TBC1D32: variants seen among roughly 807,000 people sequenced by gnomAD.
The protein encoded by TBC1D32 is protein broad-minded.
TBC1D32 carries 151 observed loss-of-function variants against 170.3 expected under a neutral mutation model. The ratio of observed to expected loss-of-function variants is 0.89; its 90% CI spans 0.78 to 1.01. The LOEUF is 1.01. TBC1D32 is among the 50% of genes least tolerant of loss of function. TBC1D32 has a pLI of 0.00. For synonymous variants in TBC1D32, 498 were observed against 488.0 expected (o/e 1.02, Z -0.27); for missense variants, 1,464 against 1,457.1 (o/e 1.00, Z -0.08).
At chr6:121,160,226 C>A (rs1355088362) in intron 23 of TBC1D32, 123 bp from the exon 24 acceptor site, 3 of 605,198 alleles carry the variant, frequency 5.0e-6, no homozygotes, top group East Asian at 5.5e-5. Context: ...GCAGTTGTTG[C>A]CCAGTTAACC....
intron 29 of TBC1D32, among the ~76,000 whole-genome samples, chr6:121,106,956 T>G (rs775071739): frequency 6.6e-6 from 1 of 151,868 alleles, no homozygotes; most frequent in Non-Finnish European, 1.5e-5. Flanking sequence ...CATATACCCA[T>G]AATAATTGTT....
At chr6:121,093,662 G>C (rs574357842) in intron 30 of TBC1D32, among the ~76,000 whole-genome samples, 39 of 152,202 alleles carry the variant, frequency 2.6e-4, no homozygotes, top group African/African-American at 9.4e-4. Flanking sequence ...ATCTGCAACA[G>C]TTCATTATTA....
At chr6:121,209,205 T>A (rs142990576) in intron 21 of TBC1D32, among the ~76,000 whole-genome samples, 113 of 151,898 alleles carry the variant, frequency 7.4e-4, no homozygotes, top group African/African-American at 2.6e-3. Flanking sequence ...TAATACTGTA[T>A]AAATTTGATA....
intron 14 of TBC1D32, among the ~76,000 whole-genome samples, chr6:121,279,970 T>C (rs903081434): frequency 6.6e-6 from 1 of 151,914 alleles, no homozygotes; most frequent in African/African-American, 2.4e-5. Context: ...TTATCTATAA[T>C]ACATTTGAAA....
intron 17 of TBC1D32, among the ~76,000 whole-genome samples, chr6:121,245,832 T>C (rs1797523880): frequency 6.6e-6 from 1 of 151,872 alleles, no homozygotes; most frequent in Admixed American, 6.6e-5. Flanking sequence ...GAGGTGTGTG[T>C]CTGGTCTGAA....
chr6:121,160,907 G>T, intron 23 of TBC1D32, 41 bp downstream of exon 23: 1 of 1,519,598 alleles, frequency 6.6e-7, no homozygotes, highest in Non-Finnish European at 9.1e-7. Context: ...TTCAAAATAT[G>T]TCAGAAAAAC....
chr6:121,269,676 C>T (rs1256814104), intron 15 of TBC1D32, among the ~76,000 whole-genome samples: 6 of 152,094 alleles, frequency 3.9e-5, no homozygotes, highest in Admixed American at 2.0e-4. Flanking sequence ...GACTTTAACA[C>T]CCCACTGTCA....
Position 121,256,245 on chromosome 6 carries a change from G to GT in TBC1D32, c.1773dup (p.Leu592ThrfsTer4). 6.2e-7 allele frequency: 1 copy of GT among 1,613,512 alleles called. No individual in the cohort carries two copies. Among genetic ancestry groups the GT allele is most frequent in the Non-Finnish European group, 8.5e-7 (1 of 1,179,834 alleles). On this transcript the variant is annotated frameshift_variant, in exon 16 of 32. Transcript: ENST00000398212. LOFTEE classifies it high-confidence loss of function. ...AATATAGAAATATCTTCATCGAGAA[G>GT]TTTTTTCGAAAACTGGGCAATTATA...
chr6:121,223,840 CT>C (rs886688505), intron 20 of TBC1D32, among the ~76,000 whole-genome samples: 1 of 42,890 alleles, frequency 2.3e-5, no homozygotes, highest in African/African-American at 4.1e-5. Context: ...AAAGCCATGC[CT>C]TTTCCTATCA....
At chr6:121,149,857 ATTT>A (rs1174688465) in intron 24 of TBC1D32, among the ~76,000 whole-genome samples, 2 of 152,144 alleles carry the variant, frequency 1.3e-5, no homozygotes, top group African/African-American at 4.8e-5. Context: ...CAGTATGGCC[ATTT>A]TCATGATATT....
Position 121,305,653 on chromosome 6 carries a change from G to A in TBC1D32, c.691-820C>T, listed in dbSNP as rs1284625939. On this transcript the variant is annotated intron_variant, in intron 5 of 31. Transcript: ENST00000398212. Reference sequence around the variant, plus strand: ...CCCAAGAAATTCCTACTGAACAAAGGATATTAAATACTTTGGGAAGTCTAT... The same window carrying A: ...CCCAAGAAATTCCTACTGAACAAAGAATATTAAATACTTTGGGAAGTCTAT... 3.3e-5 allele frequency among the ~76,000 whole-genome samples: 5 copies of A among 152,090 alleles called. No individual in the cohort carries two copies. The East Asian group carries it at 9.7e-4, about 29-fold the overall frequency.
chr6:121,168,478 C>T (rs1307065433), intron 22 of TBC1D32, among the ~76,000 whole-genome samples: 20 of 67,740 alleles, frequency 3.0e-4, no homozygotes, highest in African/African-American at 8.1e-4. Context: ...AACCAAACAC[C>T]ACATATGCTC....
intron 3 of TBC1D32, among the ~76,000 whole-genome samples, chr6:121,313,311 T>G (rs1808508411): frequency 6.7e-6 from 1 of 149,424 alleles, no homozygotes; most frequent in African/African-American, 2.5e-5. Context: ...CATCTCACTC[T>G]GTCGCCCAGG....
chr6:121,242,519 C>A (rs1797113346), intron 17 of TBC1D32, among the ~76,000 whole-genome samples, 180 bp from the exon 18 acceptor site: 2 of 151,972 alleles, frequency 1.3e-5, no homozygotes, highest in East Asian at 1.9e-4. Flanking sequence ...GTAGTGAATT[C>A]TTTTATTCTT....
chr6:121,271,950 C>A (rs1326127426), intron 15 of TBC1D32, among the ~76,000 whole-genome samples: 1 of 152,036 alleles, frequency 6.6e-6, no homozygotes, highest in South Asian at 2.1e-4. Context: ...AGAAATAATA[C>A]CACACATCTA....
intron 15 of TBC1D32, among the ~76,000 whole-genome samples, chr6:121,259,486 T>A (rs1420183968): frequency 6.6e-6 from 1 of 152,152 alleles, no homozygotes; most frequent in Non-Finnish European, 1.5e-5. Flanking sequence ...AAACAGTTGT[T>A]ATTGATAAAG....
At chr6:121,215,570 A>T (rs1270539546) in intron 21 of TBC1D32, among the ~76,000 whole-genome samples, 1 of 152,196 alleles carries the variant, frequency 6.6e-6, no homozygotes, top group African/African-American at 2.4e-5. Flanking sequence ...TTAAACAGAC[A>T]ACCTATAGTA....
At position 121,295,664 on chromosome 6, in the gene TBC1D32, G is replaced by T. The variant is rs1805516539; in HGVS notation, c.1141-1004C>A. On this transcript the variant is annotated intron_variant, in intron 10 of 31. Transcript: ENST00000398212. Reference sequence around the variant, plus strand: ...TGATAGAAAAAAAAAATACACAAGAGGAAGAAGCAGATGGAATCCAAGTGG... The same window carrying T: ...TGATAGAAAAAAAAAATACACAAGATGAAGAAGCAGATGGAATCCAAGTGG... Among the ~76,000 whole-genome samples the T allele has an allele frequency of 3.9e-5, 6 of 151,968 alleles. No homozygotes were observed. In the South Asian group the frequency reaches 1.2e-3, roughly 32 times the overall value.
At chr6:121,125,844 G>A (rs1780776871) in intron 26 of TBC1D32, among the ~76,000 whole-genome samples, 1 of 152,142 alleles carries the variant, frequency 6.6e-6, no homozygotes, top group Admixed American at 6.6e-5. Flanking sequence ...CTGAGACTGG[G>A]CCCTCTGAGT....
Sources: gnomAD v4.1 joint callset for allele counts (sites outside exome capture counted in the v4.1 genomes callset) on GRCh38, gnomAD v4.1.1 for gene constraint, MANE v1.5 for transcripts, NCBI Gene and HGNC (gene_info 2026-07-23, HGNC 2026-07-21) for gene names.